ESR1: variants seen among roughly 807,000 people sequenced by gnomAD.
The protein encoded by ESR1 is estrogen receptor.
Under a neutral mutation model 52.7 loss-of-function variants are expected in ESR1, and 12 were observed. That is an observed-to-expected ratio of 0.23 (90% confidence interval 0.15 to 0.37). ESR1 has a LOEUF of 0.37. Among genes scored for constraint, ESR1 ranks in the 10% least tolerant of loss-of-function variants. The probability of loss-of-function intolerance (pLI) is 1.00; values close to 1 mark genes in which losing one functional copy is unlikely to be tolerated. For missense variants in ESR1, 584 were observed against 779.7 expected (o/e 0.75, Z 2.99); for synonymous variants, 305 against 316.8 (o/e 0.96, Z 0.39).
At chr6:152,024,485 C>T (rs557184873) in intron 5 of ESR1, among the ~76,000 whole-genome samples, 3 of 151,682 alleles carry the variant, frequency 2.0e-5, no homozygotes, top group East Asian at 1.9e-4. Context: ...ATCTCCATGA[C>T]ATTAAGTCTT....
At position 151,657,880 on chromosome 6, in the gene ESR1, T is replaced by A. The variant is rs140641151; in HGVS notation, n.73+1117T>A. 4.8e-3 allele frequency among the ~76,000 whole-genome samples: 729 copies of A among 151,886 alleles called. 2 individuals carry two copies. Among genetic ancestry groups the A allele is most frequent in the South Asian group, 0.018 (89 of 4,824 alleles). ...CATCCAATCTAATATCTTCCTCTAGTGAGGTTCTGGCAAAAAAAAAGTATG... is the reference window on the plus strand; with the variant it reads ...CATCCAATCTAATATCTTCCTCTAGAGAGGTTCTGGCAAAAAAAAAGTATG... On this transcript the variant is annotated intron_variant and non_coding_transcript_variant, in intron 1 of 2. Transcript: ENST00000473497.
At position 151,795,878 on chromosome 6, in the gene ESR1, G is replaced by T. The variant is rs566694029; in HGVS notation, c.-70-11965G>T. ...AAATGACGAAGATGTGGCCGGGTGC[G>T]GTGGCTCACGCCTGTAATCCAGCAC... On this transcript the variant is annotated intron_variant, in intron 2 of 2. Transcript: ENST00000404742. 3.2e-4 allele frequency among the ~76,000 whole-genome samples: 48 copies of T among 152,100 alleles called. 1 individual carries two copies. The highest frequency in any genetic ancestry group is 5.0e-4 in the Non-Finnish European group (34 of 68,006).
intron 1 of ESR1, among the ~76,000 whole-genome samples, chr6:151,664,924 CAA>C (rs760061645): frequency 3.3e-5 from 5 of 152,074 alleles, no homozygotes; most frequent in Non-Finnish European, 7.4e-5. Flanking sequence ...ATTATTATGA[CAA>C]GTTGGGTTTA....
chr6:151,823,844 G>A (rs1781014437), intron 1 of ESR1, among the ~76,000 whole-genome samples: 1 of 152,144 alleles, frequency 6.6e-6, no homozygotes, highest in African/African-American at 2.4e-5. Flanking sequence ...GTGTATATGT[G>A]CCACATTTTC....
chr6:151,672,071 G>A (rs529061224), intron 1 of ESR1, among the ~76,000 whole-genome samples: 28 of 151,076 alleles, frequency 1.9e-4, no homozygotes, highest in Admixed American at 7.3e-4. Context: ...GGGCTCAAGC[G>A]GTCCTCCCAC....
At chr6:151,658,265 G>A (rs942657531) in intron 1 of ESR1, among the ~76,000 whole-genome samples, 24 of 152,144 alleles carry the variant, frequency 1.6e-4, no homozygotes, top group Admixed American at 3.9e-4. Flanking sequence ...CCGAGTTTCA[G>A]GTTAGTTTGA....
At chr6:152,124,587 T>C (rs996546584) in intron 6 of ESR1, among the ~76,000 whole-genome samples, 1 of 152,194 alleles carries the variant, frequency 6.6e-6, no homozygotes, top group African/African-American at 2.4e-5. Flanking sequence ...GATTTGTCAG[T>C]ATAAATAATC....
chr6:152,061,157 G>A lies in ESR1; in HGVS notation c.1369+33G>A, dbSNP rs2128958962. 1.9e-6 allele frequency: 3 copies of A among 1,607,864 alleles called. No individual in the cohort carries two copies. The highest frequency in any genetic ancestry group is 2.6e-6 in the Non-Finnish European group (3 of 1,174,634). Reference sequence around the variant, plus strand: ...GATAACACAAGATAACTCAATGCTGGATGAAATGTTTATTTGTAGTTTTCA... The same window carrying A: ...GATAACACAAGATAACTCAATGCTGAATGAAATGTTTATTTGTAGTTTTCA... On this transcript the variant is annotated intron_variant, in intron 6 of 7. Transcript: ENST00000206249. This position sits in a 1 kb window ranked among gnomAD's most constrained non-coding sequence, Gnocchi z 4.3.
chr6:152,093,323 T>G, intron 6 of ESR1, among the ~76,000 whole-genome samples: 1 of 146,720 alleles, frequency 6.8e-6, no homozygotes, highest in East Asian at 2.1e-4. Context: ...TACTACCTAC[T>G]ACCTGGATCT....
At chr6:151,914,036 T>G (rs971351870) in intron 3 of ESR1, among the ~76,000 whole-genome samples, 1 of 152,140 alleles carries the variant, frequency 6.6e-6, no homozygotes, top group Non-Finnish European at 1.5e-5. Context: ...AGTTTCAGGA[T>G]CTCTGTGTTC....
At chr6:152,058,094 A>G (rs2047248371) in intron 5 of ESR1, among the ~76,000 whole-genome samples, 1 of 152,188 alleles carries the variant, frequency 6.6e-6, no homozygotes. Flanking sequence ...CAGAGACGTT[A>G]TACTGAGAAA....
intron 1 of ESR1, among the ~76,000 whole-genome samples, chr6:151,666,167 T>C (rs1376259235): frequency 6.6e-6 from 1 of 152,190 alleles, no homozygotes; most frequent in Non-Finnish European, 1.5e-5. Flanking sequence ...AAAGCTACAT[T>C]GGAAAAATTA....
At chr6:151,663,041 A>G (rs1196397564) in intron 1 of ESR1, among the ~76,000 whole-genome samples, 1 of 148,026 alleles carries the variant, frequency 6.8e-6, no homozygotes, top group Non-Finnish European at 1.5e-5. Flanking sequence ...AGTCTGTTAA[A>G]TGGAGGGCTT....
At chr6:152,123,810 T>A (rs968830210) in intron 6 of ESR1, among the ~76,000 whole-genome samples, 7 of 152,202 alleles carry the variant, frequency 4.6e-5, no homozygotes, top group African/African-American at 1.7e-4. Context: ...TGAAATAATA[T>A]GAGCGTGTGA....
intron 1 of ESR1, among the ~76,000 whole-genome samples, chr6:151,663,441 T>C (rs1159730550): frequency 6.6e-6 from 1 of 152,244 alleles, no homozygotes; most frequent in East Asian, 1.9e-4. Flanking sequence ...TTGACTAGCA[T>C]TGACTCAAAC....
Position 151,685,107 on chromosome 6 carries a change from CTTTTTTTTTTTTTTTTTTTTTT to C in ESR1, n.74-16752_74-16731del, listed in dbSNP as rs772122906. The stretch of plus-strand genomic sequence containing the variant: ...TATCATTTTTGTCTGACACTGGCCT[CTTTTTTTTTTTTTTTTTTTTTT>C]TTTTTTTTTTTTTTTGAGACGGAGT... On this transcript the variant is annotated intron_variant and non_coding_transcript_variant, in intron 1 of 2. Coordinates refer to the ESR1 transcript ENST00000473497. Among the ~76,000 whole-genome samples the C allele has an allele frequency of 1.9e-3, 135 of 72,946 alleles. 1 individual carries two copies. Among genetic ancestry groups the C allele is most frequent in the Non-Finnish European group, 2.8e-3 (110 of 39,726 alleles). 47.9% of individuals were successfully genotyped at this position (72,946 alleles called of 152,430 possible). A position where few individuals can be genotyped will look rare whatever the true frequency, so the allele number is the denominator to read the frequency against.
chr6:151,986,876 G>A lies in ESR1; in HGVS notation c.1097-24780G>A, dbSNP rs996464519. On this transcript the variant is annotated intron_variant, in intron 4 of 7. Transcript: ENST00000206249. ...CTTTCTCTGCCTCTCAGTTTTTGTT[G>A]TATGCTCACGGAGTATGTGTGTGAG... 3.2e-4 allele frequency among the ~76,000 whole-genome samples: 48 copies of A among 151,860 alleles called. 1 individual carries two copies. The highest frequency in any genetic ancestry group is 1.1e-3 in the African/African-American group (46 of 41,256).
chr6:151,661,355 T>G (rs1026676873), intron 1 of ESR1, among the ~76,000 whole-genome samples: 1 of 152,138 alleles, frequency 6.6e-6, no homozygotes, highest in African/African-American at 2.4e-5. Flanking sequence ...GAGAGGCAAG[T>G]GGAGGGTAAA....
chr6:151,726,626 G>T (rs1341743215), intron 2 of ESR1, among the ~76,000 whole-genome samples: 1 of 152,208 alleles, frequency 6.6e-6, no homozygotes, highest in African/African-American at 2.4e-5. Flanking sequence ...GCAAGCCACA[G>T]CGCCCGGTCA....
Sources: allele counts gnomAD v4.1 joint callset (sites outside exome capture counted in the v4.1 genomes callset), GRCh38; gene constraint gnomAD v4.1.1; non-coding constraint Gnocchi (gnomAD v3.1); transcripts MANE v1.5; gene names NCBI Gene and HGNC (gene_info 2026-07-23, HGNC 2026-07-21).